Variants in PDE1C observed in about 807,000 individuals in gnomAD.
PDE1C encodes dual specificity calcium/calmodulin-dependent 3',5'-cyclic nucleotide phosphodiesterase 1C.
PDE1C carries 62 observed loss-of-function variants against 93.1 expected under a neutral mutation model. The ratio of observed to expected loss-of-function variants is 0.67; its 90% confidence interval spans 0.54 to 0.82. PDE1C has a LOEUF of 0.82. PDE1C is among the 40% of genes least tolerant of loss of function. PDE1C has a pLI of 0.00. For synonymous variants in PDE1C, 325 were observed against 310.1 expected (o/e 1.05, Z -0.50); for missense variants, 742 against 884.6 (o/e 0.84, Z 2.04).
Position 31,751,353 on chromosome 7 carries a change from G to T in PDE1C, c.*2031C>A, listed in dbSNP as rs1583918578. On this transcript the variant is annotated 3_prime_UTR_variant, in exon 18 of 18. Coordinates refer to ENST00000396191, the MANE Select transcript of PDE1C (RefSeq NM_001191057.4). ...AAAAAACTCACATCTTAGGAGAAAA[G>T]AATACAGATTTGTTCCCCAGGAACA... 1 of 152,130 alleles carries T rather than the reference G, an allele frequency of 6.6e-6. No homozygotes were observed. Among genetic ancestry groups the T allele is most frequent in the African/African-American group, 2.4e-5 (1 of 41,434 alleles). 9.4% of individuals were successfully genotyped at this position (152,130 alleles called of 1,614,324 possible).
At chr7:31,635,408 A>C in the PDE1C span, among the ~76,000 whole-genome samples, 2 of 152,172 alleles carry the variant, frequency 1.3e-5, no homozygotes, top group East Asian at 1.9e-4. Context: ...ACACAAGATA[A>C]ATAAGCCTCT....
chr7:32,359,443 A>T (rs192192695), intron 1 of PDE1C, among the ~76,000 whole-genome samples: 98 of 152,230 alleles, frequency 6.4e-4, no homozygotes, highest in African/African-American at 2.3e-3. Context: ...TATTTTATTC[A>T]TCATCTATCT....
intron 3 of PDE1C, among the ~76,000 whole-genome samples, chr7:32,087,768 A>T (rs1458590791): frequency 1.4e-4 from 21 of 151,406 alleles, no homozygotes; most frequent in Non-Finnish European, 2.2e-4. Context: ...ACCAAACACC[A>T]CATGTTCTCA....
At chr7:31,627,461 C>T in the PDE1C span, among the ~76,000 whole-genome samples, 43 of 152,036 alleles carry the variant, frequency 2.8e-4, no homozygotes, top group African/African-American at 8.4e-4. Context: ...AGTTCAAGAC[C>T]AGCCTGGGCA....
At chr7:31,970,265 C>T (rs1031802102) in intron 2 of PDE1C, among the ~76,000 whole-genome samples, 1 of 152,100 alleles carries the variant, frequency 6.6e-6, no homozygotes, top group Non-Finnish European at 1.5e-5. Context: ...AGATAAGAAG[C>T]CAATATAAAC....
intron 2 of PDE1C, among the ~76,000 whole-genome samples, chr7:31,958,858 G>C (rs1808509771): frequency 6.6e-6 from 1 of 152,150 alleles, no homozygotes; most frequent in African/African-American, 2.4e-5. Context: ...ACTCTGAAGT[G>C]TATACTATAC....
intron 1 of PDE1C, among the ~76,000 whole-genome samples, chr7:32,364,357 A>T (rs372672313): frequency 6.6e-6 from 1 of 152,326 alleles, no homozygotes; most frequent in Non-Finnish European, 1.5e-5. Context: ...ATTTGACAGG[A>T]GCGCCAGGAG....
At chr7:32,307,966 T>C (rs193051021) in intron 1 of PDE1C, among the ~76,000 whole-genome samples, 1 of 151,996 alleles carries the variant, frequency 6.6e-6, no homozygotes. Flanking sequence ...GGTCGGGGAG[T>C]TCCCTTTCCT....
chr7:31,790,283 A>T (rs1223414414), intron 16 of PDE1C: 1 of 1,603,918 alleles, frequency 6.2e-7, no homozygotes, highest in African/African-American at 1.3e-5. Context: ...AAAGAAAAAG[A>T]AAAGTGTCAA....
the PDE1C span, among the ~76,000 whole-genome samples, chr7:31,636,275 A>G: frequency 6.6e-6 from 1 of 152,236 alleles, no homozygotes; most frequent in Non-Finnish European, 1.5e-5. Flanking sequence ...AGACTGGTAT[A>G]AACTAGCCAG....
chr7:32,227,137 C>T (rs1418468866), intron 1 of PDE1C, among the ~76,000 whole-genome samples: 7 of 152,174 alleles, frequency 4.6e-5, no homozygotes, highest in South Asian at 2.1e-4. Flanking sequence ...GTCTGGGCTA[C>T]GACCGGGAAC....
the PDE1C span, among the ~76,000 whole-genome samples, chr7:31,718,483 A>G: frequency 6.6e-6 from 1 of 152,222 alleles, no homozygotes; most frequent in Non-Finnish European, 1.5e-5. Flanking sequence ...GCGAAAAACT[A>G]GGAAGGCTCC....
the PDE1C span, among the ~76,000 whole-genome samples, chr7:31,631,179 G>C: frequency 6.6e-6 from 1 of 152,028 alleles, no homozygotes; most frequent in Non-Finnish European, 1.5e-5. Context: ...AACTGCGGAA[G>C]AGCAGATAAA....
the PDE1C span, among the ~76,000 whole-genome samples, chr7:31,729,808 T>C: frequency 6.6e-6 from 1 of 152,180 alleles, no homozygotes; most frequent in Non-Finnish European, 1.5e-5. Context: ...GTTTTTCTGA[T>C]TGAGTCCACT....
At chr7:32,322,483 A>G (rs983125846) in intron 1 of PDE1C, among the ~76,000 whole-genome samples, 1 of 152,208 alleles carries the variant, frequency 6.6e-6, no homozygotes, top group African/African-American at 2.4e-5. Flanking sequence ...GCATACCTGT[A>G]GTCCCAGCTA....
chr7:32,397,245 T>C (rs1282531350), intron 1 of PDE1C, among the ~76,000 whole-genome samples: 1 of 152,168 alleles, frequency 6.6e-6, no homozygotes, highest in East Asian at 1.9e-4. Context: ...TTTTTAACTC[T>C]TAAAAATTGA....
chr7:32,084,264 G>C (rs76985667), intron 3 of PDE1C, among the ~76,000 whole-genome samples: 5,426 of 151,850 alleles, frequency 0.036, 129 homozygotes, highest in Non-Finnish European at 0.048. Context: ...AAGGCCATTA[G>C]ATAATGGTAA....
At position 32,155,091 on chromosome 7, in the gene PDE1C, A is replaced by C. The variant is rs537420136; in HGVS notation, c.308+14694T>G. Reference sequence around the variant, plus strand: ...GGATCAGGGTGCAGAGGCAGGCAGGAAGCAGAGACCTCACTGAAAGGCAAA... The same window carrying C: ...GGATCAGGGTGCAGAGGCAGGCAGGCAGCAGAGACCTCACTGAAAGGCAAA... On this transcript the variant is annotated intron_variant, in intron 3 of 18. Transcript: ENST00000396193. Among the ~76,000 whole-genome samples, 19 of 152,290 alleles carry C rather than the reference A, an allele frequency of 1.2e-4. No homozygotes were observed. In the East Asian group the frequency reaches 3.5e-3, roughly 28 times the overall value.
At chr7:32,424,098 C>G (rs1785484723) in intron 1 of PDE1C, among the ~76,000 whole-genome samples, 2 of 152,194 alleles carry the variant, frequency 1.3e-5, no homozygotes. Flanking sequence ...GGTGCTCCCT[C>G]TTTTCCACTA....
Sources: gnomAD v4.1 joint callset for allele counts (sites outside exome capture counted in the v4.1 genomes callset) on GRCh38, gnomAD v4.1.1 for gene constraint, MANE v1.5 for transcripts, NCBI Gene and HGNC (gene_info 2026-07-23, HGNC 2026-07-21) for gene names.